AK8: variants seen among roughly 807,000 people sequenced by gnomAD.
The protein encoded by AK8 is ATP-AMP transphosphorylase 8.
A neutral mutation model predicts 54.6 loss-of-function variants in AK8; 44 were observed. That is an observed-to-expected ratio of 0.81 (90% CI 0.63 to 1.04). AK8 has a LOEUF of 1.04. Ranked by LOEUF, AK8 falls within the 50% of genes least tolerant of loss-of-function variation. AK8 has a pLI of 0.00. For missense variants in AK8, 555 were observed against 613.6 expected (o/e 0.90, Z 1.01); for synonymous variants, 239 against 245.6 (o/e 0.97, Z 0.25).
In AK8 at chr9:132,821,760, T is replaced by TAC. The variant is rs56291035; in HGVS notation, c.889+1443_889+1444dup. 2.2e-4 allele frequency among the ~76,000 whole-genome samples: 31 copies of TAC among 141,952 alleles called. 2 individuals carry two copies. The highest frequency in any genetic ancestry group is 7.4e-4 in the African/African-American group (28 of 37,628). 93.1% of individuals were successfully genotyped at this position (141,952 alleles called of 152,430 possible). On this transcript the variant is annotated intron_variant, in intron 9 of 12. Transcript: ENST00000298545. ...ATATTTGTATGTATATACAAATATA[T>TAC]ACATATATGTATATGTGTATGTATA...
Position 132,725,660 on chromosome 9 carries a change from TG to T in AK8, c.*27del. ...GGGGGCAGGGGATTAACTCTTTCCCTGGGGCAGCGCTCCTGGCTCTGAACCC... is the reference window on the plus strand; with the variant it reads ...GGGGGCAGGGGATTAACTCTTTCCCTGGGCAGCGCTCCTGGCTCTGAACCC... On this transcript the variant is annotated 3_prime_UTR_variant, in exon 13 of 13. Transcript: ENST00000298545. The T allele has an allele frequency of 6.5e-7, 1 of 1,542,996 alleles. No homozygotes were observed. Among genetic ancestry groups the T allele is most frequent in the Middle Eastern group, 1.7e-4 (1 of 5,752 alleles).
chr9:132,793,869 C>T, intron 10 of AK8, among the ~76,000 whole-genome samples: 1 of 152,150 alleles, frequency 6.6e-6, no homozygotes. Context: ...GGTGTGGTGG[C>T]AGTGAGTTTG....
intron 5 of AK8, among the ~76,000 whole-genome samples, chr9:132,838,533 G>A (rs1842415923): frequency 6.6e-6 from 1 of 152,266 alleles, no homozygotes; most frequent in African/African-American, 2.4e-5. Context: ...ACATGGTCAA[G>A]GTTCAGAATG....
Position 132,823,342 on chromosome 9 carries a change from A to G in AK8, c.758-6T>C. The G allele has an allele frequency of 1.2e-6, 2 of 1,613,794 alleles. No individual in the cohort carries two copies. Among genetic ancestry groups the G allele is most frequent in the Non-Finnish European group, 1.7e-6 (2 of 1,179,804 alleles). On this transcript the variant is annotated splice_region_variant and splice_polypyrimidine_tract_variant and intron_variant, in intron 8 of 12. Transcript: ENST00000298545. Reference sequence around the variant, plus strand: ...GCTTTGGACATAGGTCAGAGCTGGAAAGAGAGGATATGAGGATAATAAACC... The same window carrying G: ...GCTTTGGACATAGGTCAGAGCTGGAGAGAGAGGATATGAGGATAATAAACC...
chr9:132,824,767 G>A (rs547891641), intron 8 of AK8, among the ~76,000 whole-genome samples: 1 of 152,344 alleles, frequency 6.6e-6, no homozygotes, highest in Admixed American at 6.5e-5. Context: ...GGTCATTAGA[G>A]ATGCACAGTC....
chr9:132,863,606 G>T, intron 4 of AK8, 59 bp downstream of exon 4: 2 of 1,165,218 alleles, frequency 1.7e-6, no homozygotes, highest in South Asian at 2.6e-5. Context: ...AGGTGGCAGT[G>T]GGTGTGGCAG....
At chr9:132,848,019 G>A (rs1426136196) in intron 5 of AK8, among the ~76,000 whole-genome samples, 1 of 151,396 alleles carries the variant, frequency 6.6e-6, no homozygotes, top group Non-Finnish European at 1.5e-5. Context: ...AGGAAGCGGA[G>A]GTGGGAGGAT....
At chr9:132,749,364 G>C (rs932975067) in intron 11 of AK8, among the ~76,000 whole-genome samples, 1 of 151,852 alleles carries the variant, frequency 6.6e-6, no homozygotes, top group African/African-American at 2.4e-5. Flanking sequence ...GGTGCTGGAC[G>C]CTCTGGCCTG....
intron 11 of AK8, among the ~76,000 whole-genome samples, chr9:132,751,321 T>C (rs979566285): frequency 6.7e-6 from 1 of 148,802 alleles, no homozygotes; most frequent in Non-Finnish European, 1.5e-5. Flanking sequence ...GAGGCAGAGG[T>C]TGCAGTGAGC....
At chr9:132,846,033 C>T (rs1178043419) in intron 5 of AK8, among the ~76,000 whole-genome samples, 1 of 152,190 alleles carries the variant, frequency 6.6e-6, no homozygotes, top group South Asian at 2.1e-4. Context: ...CAGTGGGACA[C>T]ACAGACGATC....
intron 11 of AK8, among the ~76,000 whole-genome samples, chr9:132,742,193 GAGAT>G (rs1837424396): frequency 7.0e-6 from 1 of 142,952 alleles, no homozygotes; most frequent in Non-Finnish European, 1.5e-5. Context: ...TTTTTTGAGA[GAGAT>G]AGAGTCTCAT....
In AK8 at chr9:132,826,993, C is replaced by T. The variant is rs1841898152; in HGVS notation, c.618G>A (p.Val206=). ...PESEIQNRLM[V]PEDISELETA... ...TCTCCAGCTCTGAGATGTCCTCTGG[C>T]ACCATGAGACGGTTCTGGATTTCAG... Residue 206 remains valine, a synonymous_variant, in exon 8 of 13, where the codon GTG becomes GTA. Transcript: ENST00000298545. This position sits in a 1 kb window ranked among gnomAD's most constrained non-coding sequence, Gnocchi z 4.5. 6.2e-7 allele frequency: 1 copy of T among 1,614,150 alleles called. No individual in the cohort carries two copies. The highest frequency in any genetic ancestry group is 1.3e-5 in the African/African-American group (1 of 74,954).
At chr9:132,728,030 G>A (rs907392254) in intron 11 of AK8, among the ~76,000 whole-genome samples, 1 of 152,288 alleles carries the variant, frequency 6.6e-6, no homozygotes, top group South Asian at 2.1e-4. Flanking sequence ...TGACCTCTCT[G>A]TATCATCACC....
At position 132,791,626 on chromosome 9, in the gene AK8, A is replaced by G. The variant is rs1030695670; in HGVS notation, c.1121+1008T>C. ...AAGTAAAGTAGTTAAACAGAGAGGTACTACTGCAGAAATAGACACTCAGAA... is the reference window on the plus strand; with the variant it reads ...AAGTAAAGTAGTTAAACAGAGAGGTGCTACTGCAGAAATAGACACTCAGAA... On this transcript the variant is annotated intron_variant, in intron 11 of 12. Transcript: ENST00000298545. This position sits in a 1 kb window ranked among gnomAD's most constrained non-coding sequence, Gnocchi z 4.0. Among the ~76,000 whole-genome samples, 1 of 152,254 alleles carries G rather than the reference A, an allele frequency of 6.6e-6. No homozygotes were observed. Among genetic ancestry groups the G allele is most frequent in the Non-Finnish European group, 1.5e-5 (1 of 68,046 alleles).
At chr9:132,807,267 T>G (rs1371156835) in intron 10 of AK8, among the ~76,000 whole-genome samples, 1 of 152,122 alleles carries the variant, frequency 6.6e-6, no homozygotes, top group Admixed American at 6.5e-5. Flanking sequence ...GGGCAGGTGT[T>G]GCAGAGTGTA....
At chr9:132,853,387 A>G (rs1434502216) in intron 5 of AK8, among the ~76,000 whole-genome samples, 1 of 151,868 alleles carries the variant, frequency 6.6e-6, no homozygotes, top group Non-Finnish European at 1.5e-5. Flanking sequence ...AGAAAAGGAA[A>G]AAAGAAAACT....
At chr9:132,859,458 C>T (rs1281800744) in intron 4 of AK8, among the ~76,000 whole-genome samples, 4 of 151,948 alleles carry the variant, frequency 2.6e-5, no homozygotes, top group African/African-American at 4.8e-5. Flanking sequence ...GCGATCCTCC[C>T]GCCTCAGCCT....
In AK8 at chr9:132,790,018, A is replaced by G. The variant is rs1839880080; in HGVS notation, c.1121+2616T>C. On this transcript the variant is annotated intron_variant, in intron 11 of 12. Transcript: ENST00000298545. This position sits in a 1 kb window ranked among gnomAD's most constrained non-coding sequence, Gnocchi z 4.1. ...GTAATGTAATATTCAGACGCATGAC[A>G]GCAGGGGGCAAAGGTCCTAAGGGTC... 6.6e-6 allele frequency among the ~76,000 whole-genome samples: 1 copy of G among 152,224 alleles called. No homozygotes were observed. Among genetic ancestry groups the G allele is most frequent in the South Asian group, 2.1e-4 (1 of 4,830 alleles).
At chr9:132,788,734 C>T (rs554461461) in intron 11 of AK8, among the ~76,000 whole-genome samples, 1 of 152,304 alleles carries the variant, frequency 6.6e-6, no homozygotes, top group East Asian at 1.9e-4. Context: ...TGTTAACAAG[C>T]TACCTCTGCC....
Sources: gnomAD v4.1 joint callset for allele counts (sites outside exome capture counted in the v4.1 genomes callset) on GRCh38, gnomAD v4.1.1 for gene constraint, Gnocchi (gnomAD v3.1) non-coding constraint, MANE v1.5 for transcripts, NCBI Gene and HGNC (gene_info 2026-07-23, HGNC 2026-07-21) for gene names.